Variants in CCDC18 observed in about 807,000 individuals in gnomAD.
The protein encoded by CCDC18 is coiled-coil domain containing 18, also known as coiled-coil domain-containing protein 18.
CCDC18 carries 157 observed loss-of-function variants against 196.0 expected under a neutral mutation model. The ratio of observed to expected loss-of-function variants is 0.80; its 90% CI spans 0.70 to 0.91. The LOEUF (loss-of-function observed/expected upper bound fraction) is 0.91, where lower values mean the gene tolerates loss of function less well. Among genes scored for constraint, CCDC18 ranks in the 40% least tolerant of loss-of-function variants. CCDC18 has a pLI of 0.00. For synonymous variants in CCDC18, 482 were observed against 529.2 expected, an observed-to-expected ratio of 0.91 and a Z score of 1.22; for missense variants, 1,465 against 1,611.6, an observed-to-expected ratio of 0.91 and a Z score of 1.56.
intron 18 of CCDC18, 120 bp downstream of exon 18, chr1:93,232,713 AT>A (rs1260320921): frequency 1.4e-6 from 1 of 725,554 alleles, no homozygotes; most frequent in African/African-American, 1.8e-5. Context: ...GCTCGTGCCC[AT>A]AATTCCAGCA....
chr1:93,244,627 CATAG>C (rs1436324190), intron 21 of CCDC18, among the ~76,000 whole-genome samples: 1 of 152,042 alleles, frequency 6.6e-6, no homozygotes. Flanking sequence ...AAATACTGGA[CATAG>C]ATAGTGGTGA....
intron 17 of CCDC18, among the ~76,000 whole-genome samples, chr1:93,231,796 C>G (rs1379833611): frequency 6.6e-6 from 1 of 152,094 alleles, no homozygotes; most frequent in Non-Finnish European, 1.5e-5. Context: ...TTCAGCAGTG[C>G]TTTGCTGGGA....
In CCDC18 at chr1:93,254,525, G is replaced by A; in HGVS notation, c.3253G>A (p.Glu1085Lys). ...QNAKEQLREK[E>K]FIMLQNEQEI... is the part of the protein sequence containing the mutation. ...TGCTAAAGAACAGCTTCGAGAAAAAGAGTTTATAATGCTACAAAATGAACA... is the reference window on the plus strand; with the variant it reads ...TGCTAAAGAACAGCTTCGAGAAAAAAAGTTTATAATGCTACAAAATGAACA... The change falls in exon 24 of 29, where the codon GAG becomes AAG. Residue 1085 changes from glutamate to lysine, a missense_variant. Transcript: ENST00000690025. 1 of 1,603,174 alleles carries A rather than the reference G, an allele frequency of 6.2e-7. No homozygotes were observed. Among genetic ancestry groups the A allele is most frequent in the Non-Finnish European group, 8.5e-7 (1 of 1,173,234 alleles).
intron 6 of CCDC18, among the ~76,000 whole-genome samples, chr1:93,198,596 T>A (rs1474671123): frequency 6.6e-6 from 1 of 152,148 alleles, no homozygotes; most frequent in Admixed American, 6.5e-5. Context: ...AATAAAAAAT[T>A]AAAATCAAAT....
At chr1:93,180,927 G>A (rs1468550962) in intron 1 of CCDC18, 75 bp downstream of exon 1, 5 of 1,325,420 alleles carry the variant, frequency 3.8e-6, no homozygotes, top group Non-Finnish European at 5.0e-6. Context: ...TTACCTGGGG[G>A]AGTTCTGTTC....
chr1:93,254,703 T>C (rs986215974), intron 24 of CCDC18, 89 bp downstream of exon 24: 16 of 1,217,110 alleles, frequency 1.3e-5, no homozygotes, highest in Non-Finnish European at 1.9e-5. Flanking sequence ...GGTTTTAATA[T>C]ACAGAAACTG....
At chr1:93,232,344 TAAG>T in intron 17 of CCDC18, 79 bp from the exon 18 acceptor site, 1 of 798,822 alleles carries the variant, frequency 1.3e-6, no homozygotes, top group Non-Finnish European at 2.0e-6. Flanking sequence ...GGTTATCTAA[TAAG>T]GAGGACAGCT....
intron 6 of CCDC18, chr1:93,199,852 C>G (rs534082357): frequency 1.3e-5 from 2 of 152,974 alleles, no homozygotes; most frequent in South Asian, 4.1e-4. Context: ...ACCTTCACAG[C>G]TTCAGTTACC....
intron 17 of CCDC18, among the ~76,000 whole-genome samples, chr1:93,227,888 G>T (rs910884198): frequency 2.7e-5 from 4 of 149,664 alleles, no homozygotes; most frequent in Non-Finnish European, 5.9e-5. Flanking sequence ...AGCCTAGGAG[G>T]TCGAGGCTGC....
intron 4 of CCDC18, among the ~76,000 whole-genome samples, chr1:93,188,331 G>A (rs570015307): frequency 6.6e-6 from 1 of 152,240 alleles, no homozygotes; most frequent in African/African-American, 2.4e-5. Flanking sequence ...TGAGCTTTTT[G>A]CCCTCTACAC....
intron 28 of CCDC18, among the ~76,000 whole-genome samples, chr1:93,277,905 G>T (rs560624916): frequency 6.6e-6 from 1 of 151,308 alleles, no homozygotes. Context: ...TCCTTTTTTC[G>T]AGTTTTAAAA....
chr1:93,212,733 C>T (rs1655856528), intron 11 of CCDC18, among the ~76,000 whole-genome samples: 1 of 152,156 alleles, frequency 6.6e-6, no homozygotes, highest in Non-Finnish European at 1.5e-5. Flanking sequence ...TGGTCCCCAA[C>T]CTTTTTGGCA....
Position 93,196,330 on chromosome 1 carries a change from G to A in CCDC18, c.698+2586G>A, listed in dbSNP as rs368005643. Among the ~76,000 whole-genome samples the A allele has an allele frequency of 9.6e-4, 143 of 148,402 alleles. 1 individual carries two copies. The highest frequency in any genetic ancestry group is 7.7e-3 in the South Asian group (34 of 4,418). On this transcript the variant is annotated intron_variant, in intron 6 of 28. Transcript: ENST00000690025. ...CAGAGGAAGATTGTGTCTCAAAAAA[G>A]AGAAAAAAAGAATGGAAAGAAATGT...
chr1:93,199,997 T>A (rs1018237162), intron 6 of CCDC18: 1 of 152,312 alleles, frequency 6.6e-6, no homozygotes, highest in Non-Finnish European at 1.5e-5. Flanking sequence ...ATTTTATTTT[T>A]TTTTAGAGAT....
chr1:93,233,139 A>G (rs940158552), intron 18 of CCDC18, among the ~76,000 whole-genome samples: 6 of 152,040 alleles, frequency 3.9e-5, no homozygotes, highest in African/African-American at 7.2e-5. Context: ...TCTTTATTCA[A>G]TCTCTCTTCT....
intron 26 of CCDC18, among the ~76,000 whole-genome samples, chr1:93,259,879 T>C (rs922277583): frequency 1.3e-5 from 2 of 152,248 alleles, no homozygotes; most frequent in African/African-American, 4.8e-5. Flanking sequence ...ATATGGCCTC[T>C]GTTCTGTTTT....
chr1:93,216,873 G>T, intron 13 of CCDC18, 127 bp downstream of exon 13: 2 of 502,850 alleles, frequency 4.0e-6, no homozygotes, highest in South Asian at 2.7e-5. Flanking sequence ...AAACTCTTCT[G>T]ATCATTTCTT....
At chr1:93,277,802 T>A (rs966286937) in intron 28 of CCDC18, among the ~76,000 whole-genome samples, 11 of 152,148 alleles carry the variant, frequency 7.2e-5, no homozygotes, top group African/African-American at 2.7e-4. Flanking sequence ...ATCTTCCTTT[T>A]TCATTGATTT....
At chr1:93,207,783 T>C (rs1408597630) in intron 9 of CCDC18, among the ~76,000 whole-genome samples, 2 of 152,202 alleles carry the variant, frequency 1.3e-5, no homozygotes, top group African/African-American at 4.8e-5. Context: ...TGGACCCATT[T>C]ATAATTAGTC....
Sources: gnomAD v4.1 joint callset for allele counts (sites outside exome capture counted in the v4.1 genomes callset) on GRCh38, gnomAD v4.1.1 for gene constraint, MANE v1.5 for transcripts, NCBI Gene and HGNC (gene_info 2026-07-23, HGNC 2026-07-21) for gene names.